The following HMCN1 variants were observed in gnomAD, a reference collection of about 807,000 sequenced individuals.
The protein encoded by HMCN1 is hemicentin 1.
Under a neutral mutation model 625.9 loss-of-function variants are expected in HMCN1, and 321 were observed. The ratio of observed to expected loss-of-function variants is 0.51; its 90% CI spans 0.47 to 0.56. The LOEUF (loss-of-function observed/expected upper bound fraction) is 0.56, where lower values mean the gene tolerates loss of function less well. HMCN1 is among the 20% of genes least tolerant of loss of function. The pLI, the probability that HMCN1 is intolerant of heterozygous loss-of-function variation, is 0.00. For synonymous variants in HMCN1, 2,425 were observed against 2,417.6 expected (o/e 1.00, Z -0.09); for missense variants, 6,588 against 6,887.3 (o/e 0.96, Z 1.54).
intron 4 of HMCN1, among the ~76,000 whole-genome samples, chr1:185,887,848 G>A (rs530894481): frequency 7.1e-6 from 1 of 140,842 alleles, no homozygotes; most frequent in Admixed American, 6.9e-5. Flanking sequence ...GGGTCAAATG[G>A]TATTTCCAGT....
intron 2 of HMCN1, among the ~76,000 whole-genome samples, chr1:185,850,446 C>T (rs946526953): frequency 3.9e-5 from 6 of 152,026 alleles, no homozygotes; most frequent in African/African-American, 1.4e-4. Context: ...AAAATACCTA[C>T]CTTGTCAATG....
At chr1:185,893,411 C>T (rs1303537313) in intron 4 of HMCN1, among the ~76,000 whole-genome samples, 2 of 152,154 alleles carry the variant, frequency 1.3e-5, no homozygotes, top group Non-Finnish European at 2.9e-5. Flanking sequence ...AAGTGTTTTG[C>T]CTTTCTGACT....
chr1:185,847,977 T>A (rs1250973206), intron 2 of HMCN1, among the ~76,000 whole-genome samples: 1 of 152,024 alleles, frequency 6.6e-6, no homozygotes. Flanking sequence ...AAAAAAAGTT[T>A]TCATTGTTTT....
At chr1:185,966,606 G>A (rs1050065400) in intron 14 of HMCN1, among the ~76,000 whole-genome samples, 9 of 151,952 alleles carry the variant, frequency 5.9e-5, no homozygotes, top group African/African-American at 1.7e-4. Context: ...TTCCAGTTAC[G>A]GGAAAAAGAA....
intron 1 of HMCN1, among the ~76,000 whole-genome samples, chr1:185,803,204 G>GAAAAAAAAAA (rs1557981375): frequency 8.4e-5 from 2 of 23,712 alleles, no homozygotes; most frequent in East Asian, 1.2e-3. Flanking sequence ...AAAAAAAAAA[G>GAAAAAAAAAA]CAAAAAAAAA....
chr1:186,065,570 T>G, intron 49 of HMCN1, 141 bp downstream of exon 49: 1 of 576,358 alleles, frequency 1.7e-6, no homozygotes, highest in Non-Finnish European at 2.9e-6. Flanking sequence ...ACATTTACTA[T>G]TTTTCCTGAA....
intron 46 of HMCN1, 139 bp downstream of exon 46, chr1:186,057,540 G>GA (rs1657420144): frequency 4.6e-6 from 3 of 645,950 alleles, no homozygotes; most frequent in Non-Finnish European, 8.1e-6. Flanking sequence ...ATCATATTAA[G>GA]AAAAAATATT....
intron 24 of HMCN1, 35 bp from the exon 25 acceptor site, chr1:185,997,390 CAAAG>C (rs748119582): frequency 5.2e-6 from 7 of 1,356,000 alleles, no homozygotes; most frequent in Admixed American, 1.7e-5. Context: ...TGAAATTGCT[CAAAG>C]AAAGCCTGTG....
chr1:186,093,754 A>G, intron 66 of HMCN1, 85 bp downstream of exon 66: 2 of 1,575,652 alleles, frequency 1.3e-6, no homozygotes, highest in South Asian at 2.2e-5. Context: ...GTGTTGAAGA[A>G]ATGTTTTTTT....
chr1:185,766,449 A>G (rs148071162), intron 1 of HMCN1, among the ~76,000 whole-genome samples: 75 of 152,260 alleles, frequency 4.9e-4, no homozygotes, highest in Admixed American at 1.3e-3. Flanking sequence ...CAAGGGCTAA[A>G]GCTCAGGATA....
At position 186,120,002 on chromosome 1, in the gene HMCN1, A is replaced by C. The variant is rs746739331; in HGVS notation, c.12095-9A>C. ...TTTTCCCCACTCTGCTTTTGTAACT[A>C]TGTTGTAGGCAGAAACCATGCAGTT... On this transcript the variant is annotated splice_polypyrimidine_tract_variant and intron_variant, in intron 79 of 106. Transcript: ENST00000271588. 1.9e-6 allele frequency: 3 copies of C among 1,613,646 alleles called. No homozygotes were observed. The African/African-American group carries it at 4.0e-5, about 22-fold the overall frequency.
intron 1 of HMCN1, among the ~76,000 whole-genome samples, chr1:185,745,448 C>T (rs1654323406): frequency 6.6e-6 from 1 of 152,154 alleles, no homozygotes; most frequent in African/African-American, 2.4e-5. Flanking sequence ...TGGTTAAATG[C>T]TCACCAAACA....
chr1:186,090,151 C>T (rs929173328), intron 63 of HMCN1, among the ~76,000 whole-genome samples: 1 of 148,492 alleles, frequency 6.7e-6, no homozygotes, highest in Non-Finnish European at 1.5e-5. Context: ...ATATCTGATA[C>T]CATTGGCAGT....
At chr1:186,061,155 C>T (rs1434023981) in intron 46 of HMCN1, among the ~76,000 whole-genome samples, 3 of 152,048 alleles carry the variant, frequency 2.0e-5, no homozygotes, top group Non-Finnish European at 4.4e-5. Flanking sequence ...TTAGTCTGTT[C>T]TCACACTACT....
At chr1:186,151,894 A>C (rs1272722163) in intron 95 of HMCN1, 151 bp downstream of exon 95, 4 of 774,920 alleles carry the variant, frequency 5.2e-6, no homozygotes, top group Non-Finnish European at 8.4e-6. Context: ...TTTTCCTGTA[A>C]ACTTGTACTA....
At chr1:186,034,146 G>A (rs1571751037) in intron 36 of HMCN1, among the ~76,000 whole-genome samples, 1 of 152,304 alleles carries the variant, frequency 6.6e-6, no homozygotes, top group African/African-American at 2.4e-5. Flanking sequence ...TATAATGTGA[G>A]AAGAATGTTC....
intron 4 of HMCN1, among the ~76,000 whole-genome samples, chr1:185,902,818 T>C (rs1386031656): frequency 2.0e-5 from 3 of 151,724 alleles, no homozygotes; most frequent in African/African-American, 7.2e-5. Flanking sequence ...CATGTATGTG[T>C]GTATGCATAT....
At chr1:185,817,418 A>G (rs1241655009) in intron 1 of HMCN1, among the ~76,000 whole-genome samples, 1 of 152,126 alleles carries the variant, frequency 6.6e-6, no homozygotes, top group African/African-American at 2.4e-5. Flanking sequence ...ATGCATAGCA[A>G]TAAGCAGAAA....
intron 3 of HMCN1, 127 bp from the exon 4 acceptor site, chr1:185,865,613 AC>A: frequency 2.8e-6 from 2 of 712,770 alleles, no homozygotes; most frequent in Non-Finnish European, 4.9e-6. Context: ...ACACACACAC[AC>A]ACACACACAC....
Sources: allele counts gnomAD v4.1 joint callset (sites outside exome capture counted in the v4.1 genomes callset), GRCh38; gene constraint gnomAD v4.1.1; transcripts MANE v1.5; gene names NCBI Gene and HGNC (gene_info 2026-07-23, HGNC 2026-07-21).